The following GRIA3 variants were observed in gnomAD, a reference collection of about 807,000 sequenced individuals.
GRIA3 encodes glutamate ionotropic receptor AMPA type subunit 3, also known as glutamate receptor 3.
In GRIA3, 3 loss-of-function variants were observed where a neutral mutation model predicts 63.0. That is an observed-to-expected ratio of 0.05 (90% CI 0.02 to 0.12). The LOEUF is 0.12. Among genes scored for constraint, GRIA3 ranks in the 10% least tolerant of loss-of-function variants. GRIA3 has a pLI of 1.00. For synonymous variants in GRIA3, 274 were observed against 257.9 expected (o/e 1.06, Z -0.60); for missense variants, 347 against 700.9 (o/e 0.50, Z 5.70).
At chrX:123,197,049 A>G (rs184614428) in intron 2 of GRIA3, among the ~76,000 whole-genome samples, 1 of 112,167 alleles carries the variant, frequency 8.9e-6, no homozygotes, top group African/African-American at 3.2e-5. Flanking sequence ...TAAAAGTTGT[A>G]AGAGCAATAG....
intron 2 of GRIA3, among the ~76,000 whole-genome samples, chrX:123,241,898 A>G (rs2044332044): frequency 8.9e-6 from 1 of 111,842 alleles, no homozygotes; most frequent in Admixed American, 9.5e-5. Flanking sequence ...CAGTCAATAT[A>G]TTAAGAAATT....
Position 123,340,008 on chromosome X carries a change from T to C in GRIA3, c.696+13795T>C, listed in dbSNP as rs770043944. ...ACTGGGGTGCTGAGAGAGACTGACA[T>C]ACATAATGGCCACACAACTAGTGAG... On this transcript the variant is annotated intron_variant, in intron 4 of 15. Transcript: ENST00000620443. 5.3e-5 allele frequency among the ~76,000 whole-genome samples: 6 copies of C among 112,161 alleles called. No individual in the cohort carries two copies. In the South Asian group the frequency reaches 1.9e-3, roughly 35 times the overall value.
At chrX:123,251,091 T>G (rs2044386887) in intron 2 of GRIA3, among the ~76,000 whole-genome samples, 1 of 112,028 alleles carries the variant, frequency 8.9e-6, no homozygotes, top group Non-Finnish European at 1.9e-5. Context: ...ATAAAGCTGA[T>G]GAGAATATTA....
intron 3 of GRIA3, among the ~76,000 whole-genome samples, chrX:123,288,969 C>T (rs759114172): frequency 8.9e-5 from 10 of 111,838 alleles, no homozygotes; most frequent in East Asian, 2.8e-4. Context: ...CACATGCACA[C>T]GTATGTTTAT....
At chrX:123,342,116 T>C (rs755528506) in intron 4 of GRIA3, among the ~76,000 whole-genome samples, 27 of 112,320 alleles carry the variant, frequency 2.4e-4, no homozygotes, top group Admixed American at 2.0e-3. Flanking sequence ...TCTAAAGGGA[T>C]GCATTTGGAA....
Position 123,489,642 on chromosome X carries a change from G to A in GRIA3, c.*932G>A, listed in dbSNP as rs2045959231. The A allele has an allele frequency of 1.8e-5, 2 of 111,854 alleles. No homozygotes were observed. Among genetic ancestry groups the A allele is most frequent in the Middle Eastern group, 4.6e-3 (1 of 218 alleles). 9.2% of individuals were successfully genotyped at this position (111,854 alleles called of 1,213,427 possible). On this transcript the variant is annotated 3_prime_UTR_variant, in exon 16 of 16. Coordinates refer to ENST00000620443, the MANE Select transcript of GRIA3 (RefSeq NM_007325.5). ...GCTGAGTATCTAGCATTGAGGTGAGGGAAATGCTGCCTATACTCCCAGATG... is the reference window on the plus strand; with the variant it reads ...GCTGAGTATCTAGCATTGAGGTGAGAGAAATGCTGCCTATACTCCCAGATG...
chrX:123,476,727 T>G (rs775814460), intron 13 of GRIA3, among the ~76,000 whole-genome samples: 11 of 111,099 alleles, frequency 9.9e-5, no homozygotes, highest in Non-Finnish European at 2.1e-4. Context: ...AACCCTGTGA[T>G]TATTTTTCCG....
intron 2 of GRIA3, among the ~76,000 whole-genome samples, chrX:123,199,304 C>G (rs1220092377): frequency 2.2e-5 from 2 of 92,455 alleles, no homozygotes; most frequent in African/African-American, 8.3e-5. Context: ...TTGCTCCCCT[C>G]TCTTCTTCTG....
chrX:123,192,166 GC>G (rs759492144), intron 2 of GRIA3, among the ~76,000 whole-genome samples: 9 of 111,467 alleles, frequency 8.1e-5, no homozygotes, highest in Non-Finnish European at 1.7e-4. Context: ...TTGGGAAGCT[GC>G]AGGTTCAACT....
intron 3 of GRIA3, among the ~76,000 whole-genome samples, chrX:123,287,956 A>C (rs1270506330): frequency 8.9e-6 from 1 of 112,218 alleles, no homozygotes; most frequent in Non-Finnish European, 1.9e-5. Flanking sequence ...CCATATAGCC[A>C]AGACAATACT....
At chrX:123,350,895 T>G (rs899428908) in intron 4 of GRIA3, among the ~76,000 whole-genome samples, 4 of 112,310 alleles carry the variant, frequency 3.6e-5, no homozygotes, top group Admixed American at 9.5e-5. Flanking sequence ...ACAATAAATT[T>G]TATCTATATT....
intron 15 of GRIA3, among the ~76,000 whole-genome samples, chrX:123,488,172 GCTCTGGC>G (rs1414842254): frequency 1.8e-5 from 2 of 112,347 alleles, no homozygotes; most frequent in Non-Finnish European, 3.8e-5. Flanking sequence ...GGGTATCACT[GCTCTGGC>G]CTCTTCCTAG....
chrX:123,464,821 C>T (rs1569441212), intron 12 of GRIA3, 44 bp from the exon 13 acceptor site: 1 of 1,172,331 alleles, frequency 8.5e-7, no homozygotes, highest in Admixed American at 2.2e-5. Flanking sequence ...CTCCTCCAGA[C>T]TGAATATCTG....
chrX:123,260,402 AAGACAGACAGAC>A (rs766545795), intron 3 of GRIA3, among the ~76,000 whole-genome samples: 1 of 22,003 alleles, frequency 4.5e-5, no homozygotes, highest in Non-Finnish European at 8.9e-5. Context: ...GAAAGAAAGA[AAGACAGACAGAC>A]AGACAGACAG....
At chrX:123,480,568 C>A (rs1342363148) in intron 14 of GRIA3, among the ~76,000 whole-genome samples, 1 of 112,438 alleles carries the variant, frequency 8.9e-6, no homozygotes, top group Non-Finnish European at 1.9e-5. Context: ...CTCTTAACCT[C>A]TTACAGTGTC....
At chrX:123,477,154 C>T (rs1358369789) in intron 13 of GRIA3, among the ~76,000 whole-genome samples, 1 of 111,608 alleles carries the variant, frequency 9.0e-6, no homozygotes, top group African/African-American at 3.3e-5. Context: ...AGCCTTCCCT[C>T]CTCCAAAACC....
intron 3 of GRIA3, among the ~76,000 whole-genome samples, chrX:123,279,433 A>G (rs1428189223): frequency 8.9e-6 from 1 of 112,213 alleles, no homozygotes; most frequent in African/African-American, 3.2e-5. Flanking sequence ...CCATGACACA[A>G]TGTATATGTA....
intron 5 of GRIA3, among the ~76,000 whole-genome samples, chrX:123,384,608 G>C (rs983012189): frequency 1.1e-4 from 12 of 111,806 alleles, no homozygotes; most frequent in East Asian, 5.6e-4. Flanking sequence ...CTGGGCAACA[G>C]AGTGAGACTC....
At chrX:123,305,997 T>C (rs1346280091) in intron 3 of GRIA3, among the ~76,000 whole-genome samples, 1 of 111,764 alleles carries the variant, frequency 8.9e-6, no homozygotes, top group Non-Finnish European at 1.9e-5. Context: ...TTAGGAGTCA[T>C]TGACGTTAAT....
Sources: gnomAD v4.1 joint callset for allele counts (sites outside exome capture counted in the v4.1 genomes callset) on GRCh38, gnomAD v4.1.1 for gene constraint, MANE v1.5 for transcripts, NCBI Gene and HGNC (gene_info 2026-07-23, HGNC 2026-07-21) for gene names.